WDR72: variants seen among roughly 807,000 people sequenced by gnomAD.
WDR72 encodes WD repeat domain 72, also known as WD repeat-containing protein 72.
In WDR72, 120 loss-of-function variants were observed where a neutral mutation model predicts 124.2. The ratio of observed to expected loss-of-function variants is 0.97; its 90% confidence interval spans 0.83 to 1.12. The LOEUF is 1.12. Ranked by LOEUF, WDR72 falls within the 50% of genes most tolerant of loss-of-function variation. WDR72 has a pLI of 0.00. For synonymous variants in WDR72, 452 were observed against 441.7 expected, an observed-to-expected ratio of 1.02 and a Z score of -0.29; for missense variants, 1,387 against 1,278.8, an observed-to-expected ratio of 1.08 and a Z score of -1.29.
intron 14 of WDR72, among the ~76,000 whole-genome samples, chr15:53,661,956 C>T (rs766497302): frequency 6.6e-6 from 1 of 152,106 alleles, no homozygotes; most frequent in Non-Finnish European, 1.5e-5. Context: ...CCACTTTACC[C>T]TTTTATTCAT....
chr15:53,621,433 A>ATATATATATATG (rs1555414994), intron 14 of WDR72, among the ~76,000 whole-genome samples: 2 of 128,884 alleles, frequency 1.6e-5, no homozygotes, highest in Admixed American at 1.5e-4. Context: ...AAACTGTGAT[A>ATATATATATATG]TATATATATA....
rs1429302899 is a variant in WDR72, at chr15:53,516,265, T to C, written c.*1434A>G. The C allele has an allele frequency of 6.6e-6, 1 of 152,052 alleles. No individual in the cohort carries two copies. The highest frequency in any genetic ancestry group is 1.9e-4 in the East Asian group (1 of 5,190). 9.4% of individuals were successfully genotyped at this position (152,052 alleles called of 1,614,324 possible). Reference sequence around the variant, plus strand: ...CACACTTTAATCTACTTTAAGGGAGTCACACTCATTTGACATCTTTATCCT... The same window carrying C: ...CACACTTTAATCTACTTTAAGGGAGCCACACTCATTTGACATCTTTATCCT... On this transcript the variant is annotated 3_prime_UTR_variant, in exon 20 of 20. Coordinates refer to ENST00000360509, the MANE Select transcript of WDR72 (RefSeq NM_182758.4).
chr15:53,621,317 A>G (rs1052428252), intron 14 of WDR72, among the ~76,000 whole-genome samples: 20 of 151,804 alleles, frequency 1.3e-4, no homozygotes, highest in Admixed American at 1.1e-3. Flanking sequence ...AAAATAAGTC[A>G]TTATATGAAA....
chr15:53,532,941 T>A (rs1161293759), intron 18 of WDR72, among the ~76,000 whole-genome samples: 2 of 152,092 alleles, frequency 1.3e-5, no homozygotes, highest in Non-Finnish European at 2.9e-5. Context: ...ATAAAAAATT[T>A]AAAATAACCC....
chr15:53,711,601 G>A (rs957723949), intron 7 of WDR72, 120 bp from the exon 8 acceptor site: 4 of 1,032,890 alleles, frequency 3.9e-6, no homozygotes, highest in African/African-American at 3.2e-5. Flanking sequence ...AGACCATACT[G>A]TACTCTCATA....
chr15:53,647,974 C>T (rs1473361237), intron 14 of WDR72, among the ~76,000 whole-genome samples: 1 of 152,082 alleles, frequency 6.6e-6, no homozygotes, highest in Non-Finnish European at 1.5e-5. Flanking sequence ...CCTTCCACTA[C>T]ATGAAATGTG....
intron 18 of WDR72, among the ~76,000 whole-genome samples, chr15:53,532,113 A>T (rs1019923403): frequency 1.3e-5 from 2 of 152,124 alleles, no homozygotes; most frequent in African/African-American, 4.8e-5. Flanking sequence ...CTCTAGTCAA[A>T]ATGGCTTTTA....
In WDR72 at chr15:53,527,929, T is replaced by C. The variant is rs140121632; in HGVS notation, c.3149-4607A>G. ...TCCTGCTTTATAATTCAGATCTCTC[T>C]CCAATTTTAAAGAGTCACTATAAAA... On this transcript the variant is annotated intron_variant, in intron 18 of 19. Coordinates refer to ENST00000360509, the MANE Select transcript of WDR72 (RefSeq NM_182758.4). Among the ~76,000 whole-genome samples, 141 of 152,158 alleles carry C rather than the reference T, an allele frequency of 9.3e-4. 1 individual carries two copies. Among genetic ancestry groups the C allele is most frequent in the African/African-American group, 3.3e-3 (138 of 41,556 alleles).
intron 1 of WDR72, among the ~76,000 whole-genome samples, chr15:53,750,709 T>C (rs911441952): frequency 1.6e-4 from 24 of 152,306 alleles, no homozygotes; most frequent in African/African-American, 5.8e-4. Context: ...AGTCAAAATA[T>C]CAACATTAAC....
Position 53,734,309 on chromosome 15 carries a change from T to C in WDR72, c.-12-1148A>G, listed in dbSNP as rs191015062. On this transcript the variant is annotated intron_variant, in intron 1 of 19. Coordinates refer to ENST00000360509, the MANE Select transcript of WDR72 (RefSeq NM_182758.4). ...TAGTCTATCTAGTCTATAATACACT[T>C]GCATTATTCTAACTGCCATGTCCAA... Among the ~76,000 whole-genome samples, 26 of 152,270 alleles carry C rather than the reference T, an allele frequency of 1.7e-4. No homozygotes were observed. In the East Asian group the frequency reaches 4.8e-3, roughly 28 times the overall value.
intron 17 of WDR72, among the ~76,000 whole-genome samples, chr15:53,603,538 A>C (rs2140349277): frequency 6.6e-6 from 1 of 152,222 alleles, no homozygotes; most frequent in East Asian, 1.9e-4. Context: ...GAAAAGAGGA[A>C]GTCAAACTAC....
chr15:53,661,048 T>C (rs2015591974), intron 14 of WDR72, among the ~76,000 whole-genome samples: 1 of 152,146 alleles, frequency 6.6e-6, no homozygotes, highest in Admixed American at 6.5e-5. Flanking sequence ...GTAAATAATG[T>C]TTTTATTGGA....
intron 18 of WDR72, among the ~76,000 whole-genome samples, chr15:53,585,547 T>C (rs1204766964): frequency 1.3e-5 from 2 of 152,044 alleles, no homozygotes; most frequent in Non-Finnish European, 2.9e-5. Context: ...CCCCCATGCA[T>C]ATAATAAATT....
chr15:53,722,734 T>C lies in WDR72; in HGVS notation c.260+68A>G, dbSNP rs1020822485. 5.1e-6 allele frequency: 7 copies of C among 1,362,516 alleles called. No homozygotes were observed. The Admixed American group carries it at 6.7e-5, about 13-fold the overall frequency. 84.4% of individuals were successfully genotyped at this position (1,362,516 alleles called of 1,614,324 possible). ...AAGGTTTCCTTCAGCCCTAAAATTG[T>C]ATTCCATTGTAGTTTTTAAAAAGGG... On this transcript the variant is annotated intron_variant, in intron 3 of 19. Transcript: ENST00000360509.
rs1891372487 is a variant in WDR72 at position 53,515,048 on chromosome 15, T to TACACAC, written c.*2650_*2651insGTGTGT. 11 of 144,322 alleles carry TACACAC rather than the reference T, an allele frequency of 7.6e-5. No homozygotes were observed. Among genetic ancestry groups the TACACAC allele is most frequent in the African/African-American group, 2.7e-4 (11 of 40,092 alleles). The allele number at this position is 144,322 out of a possible 1,614,324, so 8.9% of individuals were successfully genotyped here. ...ATACACACATATATATGTGTATATATATGTGTGTATATATATACACACATA... is the reference window on the plus strand; with the variant it reads ...ATACACACATATATATGTGTATATATACACACATGTGTGTATATATATACACACATA... On this transcript the variant is annotated 3_prime_UTR_variant, in exon 20 of 20. Transcript: ENST00000360509.
chr15:53,580,772 G>C (rs1360663737), intron 18 of WDR72, among the ~76,000 whole-genome samples: 7 of 151,842 alleles, frequency 4.6e-5, no homozygotes, highest in Admixed American at 4.6e-4. Flanking sequence ...GGTAATTATG[G>C]CAAGTATTTA....
intron 13 of WDR72, among the ~76,000 whole-genome samples, chr15:53,689,941 T>C (rs1219423881): frequency 1.3e-5 from 2 of 151,094 alleles, no homozygotes; most frequent in Non-Finnish European, 2.9e-5. Flanking sequence ...TTGGAAATCA[T>C]CATTCTCAGT....
At chr15:53,723,798 T>G (rs1027942553) in intron 2 of WDR72, among the ~76,000 whole-genome samples, 1 of 152,214 alleles carries the variant, frequency 6.6e-6, no homozygotes, top group African/African-American at 2.4e-5. Flanking sequence ...GTAAATTGCT[T>G]TTATACTATA....
intron 13 of WDR72, among the ~76,000 whole-genome samples, chr15:53,671,578 T>C (rs1280185309): frequency 1.3e-5 from 2 of 152,214 alleles, no homozygotes; most frequent in Non-Finnish European, 2.9e-5. Context: ...GAGGTGGCTA[T>C]AAAGCATCAG....
Sources: allele counts gnomAD v4.1 joint callset (sites outside exome capture counted in the v4.1 genomes callset), GRCh38; gene constraint gnomAD v4.1.1; transcripts MANE v1.5; gene names NCBI Gene and HGNC (gene_info 2026-07-23, HGNC 2026-07-21).